Variants in TRIP12 observed in about 807,000 individuals in gnomAD.
TRIP12 encodes the protein thyroid hormone receptor interactor 12, also known as E3 ubiquitin-protein ligase TRIP12.
Under a neutral mutation model 244.2 loss-of-function variants are expected in TRIP12, and 25 were observed. The observed-to-expected ratio is 0.10, with a 90% CI of 0.07 to 0.14. TRIP12 has a LOEUF of 0.14. Ranked by LOEUF, TRIP12 falls within the 10% of genes least tolerant of loss-of-function variation. The pLI is 1.00. For synonymous variants in TRIP12, 905 were observed against 873.1 expected, an observed-to-expected ratio of 1.04 and a Z score of -0.64; for missense variants, 1,677 against 2,486.4, an observed-to-expected ratio of 0.67 and a Z score of 6.92.
rs916477377 is a variant in TRIP12 at position 229,842,997 on chromosome 2, C to T, written c.1028-2070G>A. Among the ~76,000 whole-genome samples the T allele has an allele frequency of 9.9e-5, 15 of 152,182 alleles. No individual in the cohort carries two copies. In the East Asian group the frequency reaches 1.5e-3, roughly 16 times the overall value. On this transcript the variant is annotated intron_variant, in intron 4 of 41. Transcript: ENST00000675903. Reference sequence around the variant, plus strand: ...CATTAAGACACAAACATTTCCATTACTCTAAAAAGATCCTTCCTGATCCCT... The same window carrying T: ...CATTAAGACACAAACATTTCCATTATTCTAAAAAGATCCTTCCTGATCCCT...
At chr2:229,774,068 G>C in intron 38 of TRIP12, 29 bp downstream of exon 38, 1 of 1,602,492 alleles carries the variant, frequency 6.2e-7, no homozygotes, top group Non-Finnish European at 8.5e-7. Context: ...TTCACAACTG[G>C]CCTACCCCCC....
At chr2:229,907,941 T>C (rs486305) in intron 1 of TRIP12, among the ~76,000 whole-genome samples, 152,058 of 152,142 alleles carry the variant, frequency 1, 75,987 homozygotes, top group Non-Finnish European at 1. Context: ...TATTTTTACT[T>C]CCATTTTACA....
intron 1 of TRIP12, among the ~76,000 whole-genome samples, chr2:229,880,971 AAAACT>A (rs2064741204): frequency 6.6e-6 from 1 of 152,202 alleles, no homozygotes; most frequent in African/African-American, 2.4e-5. Flanking sequence ...ACAAAATTGT[AAAACT>A]ATAGTATCTT....
intron 2 of TRIP12, among the ~76,000 whole-genome samples, chr2:229,871,876 G>A (rs963313942): frequency 6.6e-6 from 1 of 151,726 alleles, no homozygotes. Context: ...ACTCAACCCA[G>A]CAATTCCACT....
intron 38 of TRIP12, among the ~76,000 whole-genome samples, 165 bp from the exon 39 acceptor site, chr2:229,771,797 T>C (rs1019053458): frequency 1.2e-4 from 18 of 152,020 alleles, no homozygotes; most frequent in African/African-American, 4.4e-4. Context: ...GAGTAAAACA[T>C]CAGGTCAACA....
intron 1 of TRIP12, among the ~76,000 whole-genome samples, chr2:229,900,081 A>G (rs1010277436): frequency 1.3e-5 from 2 of 152,214 alleles, no homozygotes; most frequent in African/African-American, 4.8e-5. Context: ...ATAACTTCAA[A>G]GTTTTTAAGG....
intron 1 of TRIP12, among the ~76,000 whole-genome samples, chr2:229,909,297 G>T (rs1039546478): frequency 1.3e-5 from 2 of 151,880 alleles, no homozygotes; most frequent in Non-Finnish European, 2.9e-5. Context: ...TGTAATCTCA[G>T]CATTTTGGGA....
chr2:229,885,882 T>C (rs1348105454), intron 1 of TRIP12, among the ~76,000 whole-genome samples: 1 of 152,120 alleles, frequency 6.6e-6, no homozygotes, highest in Non-Finnish European at 1.5e-5. Context: ...CATCTCAGTT[T>C]GTTTCTCCAT....
chr2:229,856,974 AT>A (rs948954929), intron 4 of TRIP12, among the ~76,000 whole-genome samples: 1 of 152,202 alleles, frequency 6.6e-6, no homozygotes, highest in African/African-American at 2.4e-5. Flanking sequence ...TAAACATAAA[AT>A]TTTTTATATA....
At chr2:229,800,915 AAAG>A (rs570319647) in intron 21 of TRIP12, among the ~76,000 whole-genome samples, 217 of 152,310 alleles carry the variant, frequency 1.4e-3, no homozygotes, top group African/African-American at 5.1e-3. Context: ...TTTTTGAAAA[AAAG>A]AAAAAGAAAA....
intron 15 of TRIP12, among the ~76,000 whole-genome samples, chr2:229,808,646 AC>A (rs2154276509): frequency 6.6e-6 from 1 of 152,312 alleles, no homozygotes; most frequent in Admixed American, 6.5e-5. Context: ...GACTTCAGGA[AC>A]CCTTTATTTC....
rs568865115 is a variant in TRIP12 at position 229,858,258 on chromosome 2, G to T, written c.1027+514C>A. On this transcript the variant is annotated intron_variant, in intron 4 of 41. Transcript: ENST00000675903. ...CACACTTGTAATCCCAGTTACTCTG[G>T]AGGCCAAGGCAAGAGGATTGCTTAA... Among the ~76,000 whole-genome samples the T allele has an allele frequency of 3.3e-5, 5 of 152,246 alleles. No individual in the cohort carries two copies. The East Asian group carries it at 5.8e-4, about 18-fold the overall frequency.
At chr2:229,814,118 C>T in intron 12 of TRIP12, 87 bp from the exon 13 acceptor site, 1 of 1,523,564 alleles carries the variant, frequency 6.6e-7, no homozygotes, top group Non-Finnish European at 9.0e-7. Flanking sequence ...TAGCACATTA[C>T]TCTGGAAACA....
chr2:229,888,073 G>A (rs1291117938), intron 1 of TRIP12, among the ~76,000 whole-genome samples: 23 of 152,270 alleles, frequency 1.5e-4, no homozygotes, highest in Admixed American at 1.5e-3. Flanking sequence ...TTATTAACTA[G>A]TCAAACAGTA....
chr2:229,825,526 G>T (rs1037219095), intron 8 of TRIP12, among the ~76,000 whole-genome samples: 1 of 152,204 alleles, frequency 6.6e-6, no homozygotes, highest in Non-Finnish European at 1.5e-5. Flanking sequence ...GAGGCCTCAG[G>T]AAACTTACCA....
rs374645153 is a variant in TRIP12, at chr2:229,802,238, C to T, written c.3206+14G>A. 24 of 1,573,010 alleles carry T rather than the reference C, an allele frequency of 1.5e-5. No homozygotes were observed. Among genetic ancestry groups the T allele is most frequent in the Non-Finnish European group, 2.0e-5 (23 of 1,153,294 alleles). On this transcript the variant is annotated intron_variant, in intron 21 of 41. Transcript: ENST00000675903. ...CAGCAAAGAAATAAAAATCACAACA[C>T]AATTCTTACTTACCCTTGAGGGCTG...
chr2:229,789,809 C>T, intron 30 of TRIP12, 47 bp from the exon 31 acceptor site: 5 of 1,604,402 alleles, frequency 3.1e-6, no homozygotes, highest in Non-Finnish European at 4.3e-6. Flanking sequence ...GTTAGAAAGG[C>T]TAAGCCAGTG....
Position 229,815,163 on chromosome 2 carries a change from A to G in TRIP12, c.1667T>C (p.Met556Thr). The stretch of plus-strand genomic sequence containing the variant: ...AGAAGATCGAGGAAGTGCTTCCATC[A>G]TGTATGTTAAGGCTCGACAAGCATG... ...MNHACRALTY[M>T]MEALPRSSAV... The change falls in exon 11 of 42, where the codon ATG becomes ACG. Residue 556 changes from methionine to threonine, a missense_variant. Met to Thr is a moderately conservative substitution (Grantham distance 81). Around this residue, in one of 11 missense-constraint regions of TRIP12, gnomAD observed 572 missense variants for 867.8 expected, o/e 0.66. Transcript: ENST00000675903. 6.2e-7 allele frequency: 1 copy of G among 1,613,298 alleles called. No individual in the cohort carries two copies. The highest frequency in any genetic ancestry group is 2.2e-5 in the East Asian group (1 of 44,796).
chr2:229,842,773 G>A (rs2056757644), intron 4 of TRIP12, among the ~76,000 whole-genome samples: 2 of 152,120 alleles, frequency 1.3e-5, no homozygotes, highest in African/African-American at 4.8e-5. Flanking sequence ...TTAATGTACT[G>A]TGGGCTACAC....
Sources: gnomAD v4.1 joint callset for allele counts (sites outside exome capture counted in the v4.1 genomes callset) on GRCh38, gnomAD v4.1.1 for gene constraint, gnomAD v4.1.1 regional missense constraint, MANE v1.5 for transcripts, NCBI Gene and HGNC (gene_info 2026-07-23, HGNC 2026-07-21) for gene names.